BAZ2B: variants seen among roughly 807,000 people sequenced by gnomAD.
BAZ2B encodes bromodomain adjacent to zinc finger domain 2B.
In BAZ2B, 91 loss-of-function variants were observed where a neutral mutation model predicts 246.0. The ratio of observed to expected loss-of-function variants is 0.37; its 90% CI spans 0.31 to 0.44. The LOEUF (loss-of-function observed/expected upper bound fraction) is 0.44. Ranked by LOEUF, BAZ2B falls within the 20% of genes least tolerant of loss-of-function variation. The pLI is 1.00. For synonymous variants in BAZ2B, 855 were observed against 860.0 expected (o/e 0.99, Z 0.10); for missense variants, 2,332 against 2,533.7 (o/e 0.92, Z 1.71).
At chr2:159,346,483 T>C (rs533212599) in intron 31 of BAZ2B, among the ~76,000 whole-genome samples, 1 of 152,228 alleles carries the variant, frequency 6.6e-6, no homozygotes, top group East Asian at 1.9e-4. Flanking sequence ...AGTGGGTGGA[T>C]CACTTGAGGT....
the BAZ2B span, among the ~76,000 whole-genome samples, chr2:159,672,951 GAGAA>G: frequency 6.6e-6 from 1 of 152,092 alleles, no homozygotes; most frequent in African/African-American, 2.4e-5. Context: ...CTTAGGTATT[GAGAA>G]AGACTTTATA....
intron 27 of BAZ2B, among the ~76,000 whole-genome samples, chr2:159,351,671 T>C (rs1263710240): frequency 1.3e-5 from 2 of 152,210 alleles, no homozygotes; most frequent in Non-Finnish European, 2.9e-5. Context: ...AAAATCTAGA[T>C]TGCATTATTT....
intron 3 of BAZ2B, among the ~76,000 whole-genome samples, chr2:159,467,208 T>C (rs750933494): frequency 1.4e-4 from 21 of 152,156 alleles, no homozygotes; most frequent in Admixed American, 2.6e-4. Context: ...CAGGATTAGG[T>C]CATGGAGGAT....
chr2:159,685,578 C>G, the BAZ2B span, among the ~76,000 whole-genome samples: 2 of 151,650 alleles, frequency 1.3e-5, no homozygotes, highest in African/African-American at 2.4e-5. Flanking sequence ...TCTTGTAGTA[C>G]CAGAAAGCAA....
chr2:159,400,811 T>C (rs9646764), intron 16 of BAZ2B, 147 bp from the exon 17 acceptor site: 22,540 of 473,538 alleles, frequency 0.048, 1,237 homozygotes, highest in Admixed American at 0.23. Context: ...GAGGCCAAGG[T>C]GGGCGGATCA....
chr2:159,660,772 AT>A, the BAZ2B span, among the ~76,000 whole-genome samples: 2 of 151,942 alleles, frequency 1.3e-5, no homozygotes, highest in Non-Finnish European at 2.9e-5. Flanking sequence ...TAATTTTTAT[AT>A]TTTTAGCAGA....
intron 2 of BAZ2B, among the ~76,000 whole-genome samples, chr2:159,530,333 C>G (rs1431488870): frequency 6.6e-6 from 1 of 152,230 alleles, no homozygotes; most frequent in Non-Finnish European, 1.5e-5. Context: ...TATAGATCAA[C>G]TGTCCAGCTG....
the BAZ2B span, chr2:159,712,093 G>GAAAAAA: frequency 2.4e-5 from 3 of 123,284 alleles, no homozygotes; most frequent in African/African-American, 3.7e-5. Flanking sequence ...GCCAGAAAAA[G>GAAAAAA]AAAAAAAAAA....
intron 3 of BAZ2B, among the ~76,000 whole-genome samples, chr2:159,471,674 AC>A (rs1030323514): frequency 1.3e-5 from 2 of 152,148 alleles, no homozygotes; most frequent in Non-Finnish European, 2.9e-5. Context: ...ATACTGATGA[AC>A]ATGATCCAGT....
chr2:159,638,552 G>A, the BAZ2B span, among the ~76,000 whole-genome samples: 1 of 152,072 alleles, frequency 6.6e-6, no homozygotes, highest in Admixed American at 6.6e-5. Flanking sequence ...CAGAGAGATT[G>A]AAATAATTTA....
intron 20 of BAZ2B, 122 bp downstream of exon 20, chr2:159,395,647 C>T: frequency 2.4e-6 from 2 of 818,048 alleles, no homozygotes; most frequent in Non-Finnish European, 3.6e-6. Flanking sequence ...TTTTGGTTTG[C>T]ATATGAAAAC....
chr2:159,622,019 T>C, the BAZ2B span, among the ~76,000 whole-genome samples: 3 of 151,888 alleles, frequency 2.0e-5, no homozygotes, highest in Non-Finnish European at 4.4e-5. Context: ...GGCAGGAGAA[T>C]TGCTTGAAAC....
At chr2:159,382,281 C>T (rs1018272499) in intron 25 of BAZ2B, among the ~76,000 whole-genome samples, 1 of 152,132 alleles carries the variant, frequency 6.6e-6, no homozygotes, top group Non-Finnish European at 1.5e-5. Context: ...TAAAAATCTG[C>T]ATATCTCTTT....
At chr2:159,511,588 T>C (rs2082930718) in intron 2 of BAZ2B, among the ~76,000 whole-genome samples, 1 of 152,196 alleles carries the variant, frequency 6.6e-6, no homozygotes, top group Admixed American at 6.5e-5. Context: ...TAAAATACTT[T>C]GAACAGAAAT....
intron 2 of BAZ2B, among the ~76,000 whole-genome samples, chr2:159,486,725 T>C (rs2079880501): frequency 6.6e-6 from 1 of 151,898 alleles, no homozygotes; most frequent in Non-Finnish European, 1.5e-5. Context: ...GGTAAATGTA[T>C]ACATAAAGGA....
At chr2:159,402,390 C>T (rs2065225369) in intron 16 of BAZ2B, among the ~76,000 whole-genome samples, 1 of 152,118 alleles carries the variant, frequency 6.6e-6, no homozygotes, top group Admixed American at 6.5e-5. Context: ...GCGGAGGCTG[C>T]AGTGAGCAGA....
chr2:159,562,454 G>A (rs971663651), intron 1 of BAZ2B, among the ~76,000 whole-genome samples: 1 of 152,102 alleles, frequency 6.6e-6, no homozygotes, highest in African/African-American at 2.4e-5. Context: ...TTAGCACTTC[G>A]CAACATCTTT....
At chr2:159,671,044 A>G in the BAZ2B span, among the ~76,000 whole-genome samples, 24 of 152,316 alleles carry the variant, frequency 1.6e-4, no homozygotes, top group African/African-American at 5.1e-4. Context: ...GTCTGCTTTC[A>G]TAATTTTTTC....
intron 1 of BAZ2B, among the ~76,000 whole-genome samples, chr2:159,593,941 C>T (rs928045858): frequency 1.3e-5 from 2 of 152,184 alleles, no homozygotes; most frequent in African/African-American, 2.4e-5. Flanking sequence ...AATTAGAGAT[C>T]GAGCACATAC....
Sources: gnomAD v4.1 joint callset for allele counts (sites outside exome capture counted in the v4.1 genomes callset) on GRCh38, gnomAD v4.1.1 for gene constraint, MANE v1.5 for transcripts, NCBI Gene and HGNC (gene_info 2026-07-23, HGNC 2026-07-21) for gene names.